Variants in ERC2 observed in about 807,000 individuals in gnomAD.
The protein encoded by ERC2 is ERC protein 2.
Under a neutral mutation model 114.8 loss-of-function variants are expected in ERC2, and 42 were observed. The observed-to-expected ratio is 0.37, with a 90% confidence interval of 0.29 to 0.47. ERC2 has a LOEUF of 0.47. Ranked by LOEUF, ERC2 falls within the 20% of genes least tolerant of loss-of-function variation. The probability of loss-of-function intolerance (pLI) is 0.99; values close to 1 mark genes in which losing one functional copy is unlikely to be tolerated. For missense variants in ERC2, 939 were observed against 1,150.7 expected (o/e 0.82, Z 2.66); for synonymous variants, 454 against 425.5 (o/e 1.07, Z -0.82).
At chr3:56,251,646 C>T (rs1234861164) in intron 3 of ERC2, among the ~76,000 whole-genome samples, 2 of 152,150 alleles carry the variant, frequency 1.3e-5, no homozygotes, top group African/African-American at 4.8e-5. Context: ...TTCAGTGTTT[C>T]CCAAAGTATA....
At chr3:55,813,117 A>G (rs1008232284) in intron 14 of ERC2, among the ~76,000 whole-genome samples, 4 of 152,196 alleles carry the variant, frequency 2.6e-5, no homozygotes, top group South Asian at 4.1e-4. Flanking sequence ...CTAATGTCCT[A>G]TGGAAAGCAA....
chr3:56,340,776 C>G (rs2150490919), intron 2 of ERC2, among the ~76,000 whole-genome samples: 1 of 152,218 alleles, frequency 6.6e-6, no homozygotes, highest in East Asian at 1.9e-4. Flanking sequence ...TCCTTTATAG[C>G]TTATCCTCAA....
intron 14 of ERC2, among the ~76,000 whole-genome samples, chr3:55,810,038 C>T (rs1185763914): frequency 6.6e-6 from 1 of 152,174 alleles, no homozygotes; most frequent in African/African-American, 2.4e-5. Flanking sequence ...CTTTTCTTCA[C>T]AAGATATGTT....
intron 17 of ERC2, among the ~76,000 whole-genome samples, chr3:55,541,364 G>A (rs1378382118): frequency 6.6e-6 from 1 of 152,180 alleles, no homozygotes; most frequent in Non-Finnish European, 1.5e-5. Context: ...TCCCAGAAAA[G>A]CCACAGCTTT....
intron 6 of ERC2, among the ~76,000 whole-genome samples, chr3:56,126,086 T>G (rs2079848702): frequency 6.6e-6 from 1 of 152,204 alleles, no homozygotes; most frequent in African/African-American, 2.4e-5. Flanking sequence ...CCCATCCCCC[T>G]GATTATTTTA....
chr3:55,761,510 T>C (rs2067428078), intron 14 of ERC2, among the ~76,000 whole-genome samples: 1 of 152,142 alleles, frequency 6.6e-6, no homozygotes, highest in African/African-American at 2.4e-5. Flanking sequence ...GACTCCGCTG[T>C]TGTAGCGTGA....
At chr3:56,250,539 A>G (rs568975224) in intron 3 of ERC2, among the ~76,000 whole-genome samples, 1 of 152,360 alleles carries the variant, frequency 6.6e-6, no homozygotes, top group South Asian at 2.1e-4. Flanking sequence ...AGCAGTACGT[A>G]CACCAAAACT....
At chr3:56,121,616 C>T (rs930371908) in intron 6 of ERC2, among the ~76,000 whole-genome samples, 13 of 152,092 alleles carry the variant, frequency 8.5e-5, no homozygotes, top group Non-Finnish European at 1.9e-4. Flanking sequence ...TCTTCTTAAG[C>T]AAGAGTTTTT....
chr3:55,973,074 T>G (rs1253646479), intron 12 of ERC2, among the ~76,000 whole-genome samples: 1 of 152,108 alleles, frequency 6.6e-6, no homozygotes, highest in Non-Finnish European at 1.5e-5. Flanking sequence ...TGGAGTTGGA[T>G]ATTCTGCCCA....
chr3:56,330,029 T>C (rs1247597468), intron 2 of ERC2, among the ~76,000 whole-genome samples: 1 of 151,872 alleles, frequency 6.6e-6, no homozygotes, highest in Non-Finnish European at 1.5e-5. Context: ...CCAATATATA[T>C]TTCCACAGCT....
chr3:55,810,791 T>C (rs1290668780), intron 14 of ERC2, among the ~76,000 whole-genome samples: 1 of 152,156 alleles, frequency 6.6e-6, no homozygotes, highest in Non-Finnish European at 1.5e-5. Flanking sequence ...TAAATGCATA[T>C]CTATATGATA....
intron 3 of ERC2, among the ~76,000 whole-genome samples, chr3:56,226,056 T>G (rs1161500354): frequency 2.0e-5 from 3 of 152,186 alleles, no homozygotes; most frequent in Non-Finnish European, 4.4e-5. Context: ...ATTTTTCCAG[T>G]GAAAATATGT....
chr3:56,391,423 A>T (rs6776240), intron 2 of ERC2, among the ~76,000 whole-genome samples: 30 of 152,132 alleles, frequency 2.0e-4, no homozygotes, highest in African/African-American at 6.3e-4. Context: ...CTCTGAGAAG[A>T]CTCTCACATC....
chr3:56,188,568 T>C (rs140277265), intron 3 of ERC2, among the ~76,000 whole-genome samples: 1 of 152,150 alleles, frequency 6.6e-6, no homozygotes, highest in Admixed American at 6.5e-5. Context: ...GTGGTGGTGG[T>C]GGCAGCGGTG....
chr3:56,037,263 G>A (rs1288071762), intron 7 of ERC2, among the ~76,000 whole-genome samples: 2 of 152,178 alleles, frequency 1.3e-5, no homozygotes, highest in African/African-American at 4.8e-5. Flanking sequence ...CTGCGCTAAA[G>A]GAGTATGTTC....
At position 56,361,004 on chromosome 3, in the gene ERC2, GCA is replaced by G. The variant is rs543165734; in HGVS notation, c.658-64571_658-64570del. Among the ~76,000 whole-genome samples the G allele has an allele frequency of 3.0e-3, 463 of 152,272 alleles. 3 individuals are homozygous for G. The highest frequency in any genetic ancestry group is 0.011 in the African/African-American group (448 of 41,562). On this transcript the variant is annotated intron_variant, in intron 2 of 17. Transcript: ENST00000288221. ...TATTGGGGTAGTCATGCAAACAGAA[GCA>G]CAGAGGTAGGAAAGATCCTCGCATG... is the stretch of plus-strand genomic sequence containing the variant.
intron 6 of ERC2, among the ~76,000 whole-genome samples, chr3:56,118,639 T>TC (rs1368958636): frequency 2.7e-5 from 4 of 148,070 alleles, no homozygotes; most frequent in Non-Finnish European, 4.5e-5. Context: ...TCCTTTTCTT[T>TC]TTTTTTTTTT....
intron 17 of ERC2, among the ~76,000 whole-genome samples, chr3:55,645,458 CT>C: frequency 6.6e-6 from 1 of 152,266 alleles, no homozygotes; most frequent in Non-Finnish European, 1.5e-5. Context: ...ATTGGCTTTT[CT>C]TTTTAATTGA....
chr3:56,306,075 C>T (rs1463002650), intron 2 of ERC2, among the ~76,000 whole-genome samples: 1 of 152,152 alleles, frequency 6.6e-6, no homozygotes, highest in Non-Finnish European at 1.5e-5. Context: ...TCTCGAACTC[C>T]TGACCTCAAG....
Sources: allele counts gnomAD v4.1 joint callset (sites outside exome capture counted in the v4.1 genomes callset), GRCh38; gene constraint gnomAD v4.1.1; transcripts MANE v1.5; gene names NCBI Gene and HGNC (gene_info 2026-07-23, HGNC 2026-07-21).